The following EPG5 variants were observed in gnomAD, a reference collection of about 807,000 sequenced individuals.
The protein encoded by EPG5 is ectopic P-granules 5 autophagy tethering factor, also known as ectopic P granules protein 5 homolog.
EPG5 carries 159 observed loss-of-function variants against 302.7 expected under a neutral mutation model. The observed-to-expected ratio is 0.53, with a 90% CI of 0.46 to 0.60. The LOEUF (loss-of-function observed/expected upper bound fraction) is 0.60. Ranked by LOEUF, EPG5 falls within the 20% of genes least tolerant of loss-of-function variation. The pLI is 0.00. For synonymous variants in EPG5, 1,158 were observed against 1,136.8 expected, an observed-to-expected ratio of 1.02 and a Z score of -0.37; for missense variants, 2,896 against 3,092.4, an observed-to-expected ratio of 0.94 and a Z score of 1.51.
chr18:45,966,963 A>G (rs888292187), intron 1 of EPG5, among the ~76,000 whole-genome samples: 1 of 152,164 alleles, frequency 6.6e-6, no homozygotes, highest in East Asian at 1.9e-4. Flanking sequence ...AGAAGGAAAA[A>G]TGGGGTCCTG....
At chr18:45,817,686 C>T in the EPG5 span, among the ~76,000 whole-genome samples, 1 of 152,236 alleles carries the variant, frequency 6.6e-6, no homozygotes, top group Non-Finnish European at 1.5e-5. Flanking sequence ...GCACATGGGC[C>T]TCTCCACAGT....
the EPG5 span, among the ~76,000 whole-genome samples, chr18:45,833,887 C>A: frequency 6.6e-6 from 1 of 151,914 alleles, no homozygotes; most frequent in East Asian, 1.9e-4. Context: ...CAGAGGTGAA[C>A]AAATTAACCA....
At position 45,912,432 on chromosome 18, in the gene EPG5, G is replaced by T; in HGVS notation, c.3841C>A (p.Pro1281Thr). The change falls in exon 22 of 44, where the codon CCC (proline) becomes ACC (threonine). Residue 1281 changes from proline to threonine, a missense_variant. Pro to Thr is a conservative substitution (Grantham distance 38). Transcript: ENST00000282041. Reference sequence around the variant, plus strand: ...AGCCTCTGGAGGGATGGCACGATGGGGAGCTTCAGCTGGGTCTGGGCTTTC... The same window carrying T: ...AGCCTCTGGAGGGATGGCACGATGGTGAGCTTCAGCTGGGTCTGGGCTTTC... ...LKKAQTQLKL[P>T]IVPSLQRLLI... 1.2e-6 allele frequency: 2 copies of T among 1,602,282 alleles called. No individual in the cohort carries two copies.
intron 24 of EPG5, among the ~76,000 whole-genome samples, chr18:45,906,125 C>T (rs1445366011): frequency 6.6e-6 from 1 of 152,176 alleles, no homozygotes; most frequent in Non-Finnish European, 1.5e-5. Context: ...CCCCTTCTGA[C>T]CAACTCCTTG....
At chr18:45,886,741 C>T (rs2049226871) in intron 29 of EPG5, among the ~76,000 whole-genome samples, 1 of 152,156 alleles carries the variant, frequency 6.6e-6, no homozygotes, top group South Asian at 2.1e-4. Context: ...TCACCGCAAC[C>T]TCTGCCTCCC....
intron 1 of EPG5, among the ~76,000 whole-genome samples, chr18:45,959,373 T>C (rs928759728): frequency 6.6e-6 from 1 of 151,640 alleles, no homozygotes; most frequent in Non-Finnish European, 1.5e-5. Flanking sequence ...GGGCCAGGCA[T>C]GGGCGGCTCA....
intron 29 of EPG5, 83 bp from the exon 30 acceptor site, chr18:45,884,894 A>G: frequency 1.1e-6 from 1 of 911,334 alleles, no homozygotes; most frequent in Non-Finnish European, 1.6e-6. Context: ...AAGGGGCACC[A>G]AATAAGGTGA....
At chr18:45,899,678 A>T (rs1033535389) in intron 26 of EPG5, 112 bp from the exon 27 acceptor site, 43 of 1,082,744 alleles carry the variant, frequency 4.0e-5, no homozygotes, top group Non-Finnish European at 5.7e-5. Context: ...AAGACACATA[A>T]ACCATAGTAA....
chr18:45,821,442 A>G, the EPG5 span, among the ~76,000 whole-genome samples: 1 of 152,222 alleles, frequency 6.6e-6, no homozygotes, highest in Non-Finnish European at 1.5e-5. Context: ...TAAGACAAAA[A>G]AGAGAAGGCA....
At chr18:45,837,046 A>G in the EPG5 span, 1 of 1,531,994 alleles carries the variant, frequency 6.5e-7, no homozygotes. Flanking sequence ...TGTGAGAACT[A>G]AAATAGATAC....
chr18:45,837,422 A>G, the EPG5 span: 1 of 1,383,828 alleles, frequency 7.2e-7, no homozygotes, highest in Non-Finnish European at 9.3e-7. Context: ...GGGTTGGGGG[A>G]GCGTTTCCTG....
chr18:45,902,307 A>G (rs2049638032), intron 25 of EPG5, among the ~76,000 whole-genome samples: 1 of 152,194 alleles, frequency 6.6e-6, no homozygotes, highest in Non-Finnish European at 1.5e-5. Context: ...TTCCACTAGA[A>G]CTAACTACTC....
intron 35 of EPG5, among the ~76,000 whole-genome samples, chr18:45,872,661 A>G (rs1268006564): frequency 6.6e-6 from 1 of 152,024 alleles, no homozygotes; most frequent in Non-Finnish European, 1.5e-5. Context: ...CCAAGATCGC[A>G]CCACCGCACT....
At chr18:45,863,801 C>T (rs1461006185) in intron 39 of EPG5, among the ~76,000 whole-genome samples, 2 of 152,202 alleles carry the variant, frequency 1.3e-5, no homozygotes, top group Non-Finnish European at 2.9e-5. Flanking sequence ...TCTGCCTTTC[C>T]TTCCTGGATG....
At chr18:45,862,046 T>C (rs1471207283) in intron 39 of EPG5, among the ~76,000 whole-genome samples, 1 of 152,306 alleles carries the variant, frequency 6.6e-6, no homozygotes, top group East Asian at 1.9e-4. Context: ...ATTCTGACAG[T>C]GGTTATCCTA....
Position 45,925,829 on chromosome 18 carries a change from C to T in EPG5, c.2627G>A (p.Arg876Gln), listed in dbSNP as rs2050256133. 1.3e-6 allele frequency: 2 copies of T among 1,582,696 alleles called. No individual in the cohort carries two copies. The highest frequency in any genetic ancestry group is 1.7e-6 in the Non-Finnish European group (2 of 1,166,236). Residue 876 changes from arginine (R) to glutamine (Q), a missense_variant, in exon 14 of 44, where the codon CGG becomes CAG. Around this residue, in one of 5 missense-constraint regions of EPG5, gnomAD observed 1,390 missense variants for 1,430.0 expected, o/e 0.97. Transcript: ENST00000282041. ...CAGGTTGTAATTCAATAACCAATCCCGAATCACCGCTATCTCAGATGCAGA... is the reference window on the plus strand; with the variant it reads ...CAGGTTGTAATTCAATAACCAATCCTGAATCACCGCTATCTCAGATGCAGA... ...QPSASEIAVI[R>Q]DWLLNYNLTV...
intron 1 of EPG5, among the ~76,000 whole-genome samples, chr18:45,960,270 A>T (rs77247332): frequency 9.9e-5 from 15 of 151,616 alleles, no homozygotes; most frequent in Non-Finnish European, 1.5e-4. Flanking sequence ...TTCCTTTTTT[A>T]AAAAAAAATC....
chr18:45,810,834 T>C, the EPG5 span, among the ~76,000 whole-genome samples: 2 of 152,144 alleles, frequency 1.3e-5, no homozygotes, highest in African/African-American at 2.4e-5. Context: ...GTGGATTTCA[T>C]AGCAGGGATG....
intron 36 of EPG5, among the ~76,000 whole-genome samples, chr18:45,869,993 T>C (rs1332856450): frequency 6.6e-6 from 1 of 151,964 alleles, no homozygotes; most frequent in Admixed American, 6.6e-5. Flanking sequence ...TAAGTTACAC[T>C]ACACTCTCTG....
Sources: gnomAD v4.1 joint callset for allele counts (sites outside exome capture counted in the v4.1 genomes callset) on GRCh38, gnomAD v4.1.1 for gene constraint, gnomAD v4.1.1 regional missense constraint, MANE v1.5 for transcripts, NCBI Gene and HGNC (gene_info 2026-07-23, HGNC 2026-07-21) for gene names.